FBXL17: variants seen among roughly 807,000 people sequenced by gnomAD.
FBXL17 encodes F-box and leucine rich repeat protein 17, also known as F-box/LRR-repeat protein 17.
FBXL17 carries 22 observed loss-of-function variants against 66.2 expected under a neutral mutation model. The ratio of observed to expected loss-of-function variants is 0.33; its 90% CI spans 0.24 to 0.47. The LOEUF (loss-of-function observed/expected upper bound fraction) is 0.47, where lower values mean the gene tolerates loss of function less well. Among genes scored for constraint, FBXL17 ranks in the 20% least tolerant of loss-of-function variants. FBXL17 has a pLI of 1.00. For synonymous variants in FBXL17, 474 were observed against 400.5 expected (o/e 1.18, Z -2.19); for missense variants, 878 against 948.2 (o/e 0.93, Z 0.97).
At chr5:108,132,061 C>T (rs1296288899) in intron 6 of FBXL17, among the ~76,000 whole-genome samples, 1 of 151,732 alleles carries the variant, frequency 6.6e-6, no homozygotes, top group East Asian at 1.9e-4. Context: ...ATCGCAACCT[C>T]CGCCTCCCAG....
intron 4 of FBXL17, among the ~76,000 whole-genome samples, chr5:108,262,445 G>A (rs746734903): frequency 6.6e-6 from 1 of 152,092 alleles, no homozygotes; most frequent in Non-Finnish European, 1.5e-5. Context: ...ATTGTCAAAA[G>A]AAATAGAGAC....
chr5:108,213,447 T>C (rs1285439250), intron 5 of FBXL17, among the ~76,000 whole-genome samples: 1 of 152,230 alleles, frequency 6.6e-6, no homozygotes, highest in East Asian at 1.9e-4. Context: ...GGGAATCTCC[T>C]GGTTTGCAGA....
chr5:108,357,532 T>G (rs575625438), intron 3 of FBXL17, among the ~76,000 whole-genome samples: 62 of 152,202 alleles, frequency 4.1e-4, no homozygotes, highest in African/African-American at 1.5e-3. Flanking sequence ...AGAATACACA[T>G]TCTTCTCTAA....
chr5:108,328,892 C>A (rs939170450), intron 4 of FBXL17, among the ~76,000 whole-genome samples: 2 of 151,960 alleles, frequency 1.3e-5, no homozygotes, highest in Non-Finnish European at 2.9e-5. Context: ...TTTACATATA[C>A]CTGACTTAAT....
At chr5:108,092,460 T>C (rs1315957412) in intron 6 of FBXL17, among the ~76,000 whole-genome samples, 8 of 152,012 alleles carry the variant, frequency 5.3e-5, no homozygotes, top group Admixed American at 4.6e-4. Flanking sequence ...ACATCACAGG[T>C]ACTTGCCACC....
At chr5:108,009,349 T>C (rs1205901361) in intron 7 of FBXL17, among the ~76,000 whole-genome samples, 1 of 138,696 alleles carries the variant, frequency 7.2e-6, no homozygotes, top group Non-Finnish European at 1.5e-5. Context: ...CATATATATA[T>C]ATGGTGAATA....
At chr5:108,368,247 G>C (rs116464547) in intron 1 of FBXL17, among the ~76,000 whole-genome samples, 1,670 of 151,060 alleles carry the variant, frequency 0.011, 45 homozygotes, top group African/African-American at 0.038. Context: ...AAAAAGAATT[G>C]AAAGCATTAA....
At chr5:108,157,328 A>G (rs2150002771) in intron 6 of FBXL17, among the ~76,000 whole-genome samples, 1 of 152,126 alleles carries the variant, frequency 6.6e-6, no homozygotes, top group South Asian at 2.1e-4. Context: ...ACACAGTAGT[A>G]TTAATACACA....
intron 6 of FBXL17, among the ~76,000 whole-genome samples, chr5:108,161,460 TG>T (rs1322862090): frequency 6.6e-6 from 1 of 151,358 alleles, no homozygotes; most frequent in Non-Finnish European, 1.5e-5. Flanking sequence ...CACTCCAGCC[TG>T]GGCGACAGCG....
chr5:107,947,597 T>G (rs998964206), intron 7 of FBXL17, among the ~76,000 whole-genome samples: 1 of 152,234 alleles, frequency 6.6e-6, no homozygotes, highest in African/African-American at 2.4e-5. Context: ...GTTCTGATAA[T>G]TTCTACCAAT....
rs1448746619 is a variant in FBXL17 at position 108,060,518 on chromosome 5, T to C, written c.1746-39517A>G. Among the ~76,000 whole-genome samples, 4 of 152,308 alleles carry C rather than the reference T, an allele frequency of 2.6e-5. No individual in the cohort carries two copies. The East Asian group carries it at 5.8e-4, about 22-fold the overall frequency. On this transcript the variant is annotated intron_variant, in intron 6 of 8. Transcript: ENST00000542267. The stretch of plus-strand genomic sequence containing the variant: ...TGCCAGTGAGTTCAGTAATCTCTTA[T>C]CAAGTAGTACTCTATGTAGCCACTA...
chr5:108,075,569 G>A (rs1465439542), intron 6 of FBXL17, among the ~76,000 whole-genome samples: 11 of 152,196 alleles, frequency 7.2e-5, no homozygotes, highest in Admixed American at 2.0e-4. Context: ...TCTGCCTCCC[G>A]GGTTCAGGCA....
At chr5:108,245,272 A>G (rs1756042881) in intron 4 of FBXL17, among the ~76,000 whole-genome samples, 1 of 152,174 alleles carries the variant, frequency 6.6e-6, no homozygotes, top group African/African-American at 2.4e-5. Context: ...CTAGACTTTA[A>G]TATTTTAACA....
chr5:108,176,140 G>A (rs138284491), intron 6 of FBXL17, among the ~76,000 whole-genome samples: 35 of 152,254 alleles, frequency 2.3e-4, no homozygotes, highest in African/African-American at 8.4e-4. Flanking sequence ...TTTCTTCATT[G>A]TTGGCAATTT....
chr5:108,009,261 T>TTATATATATATATA (rs375853217), intron 7 of FBXL17, among the ~76,000 whole-genome samples: 4 of 20,866 alleles, frequency 1.9e-4, no homozygotes, highest in Non-Finnish European at 3.4e-4. Flanking sequence ...GTTCCCTGTT[T>TTATATATATATATA]TATATATATA....
At chr5:108,086,808 G>A (rs767691756) in intron 6 of FBXL17, among the ~76,000 whole-genome samples, 11 of 152,022 alleles carry the variant, frequency 7.2e-5, no homozygotes, top group African/African-American at 1.9e-4. Flanking sequence ...TGATCCACCC[G>A]CCTCGGCCTC....
At chr5:108,254,702 T>C (rs1341752868) in intron 4 of FBXL17, among the ~76,000 whole-genome samples, 1 of 152,226 alleles carries the variant, frequency 6.6e-6, no homozygotes, top group Non-Finnish European at 1.5e-5. Context: ...ATTTAAGTCA[T>C]AATTTCACAC....
At chr5:108,259,168 A>G (rs550856448) in intron 4 of FBXL17, among the ~76,000 whole-genome samples, 1 of 152,314 alleles carries the variant, frequency 6.6e-6, no homozygotes, top group South Asian at 2.1e-4. Flanking sequence ...AAGCTATGAG[A>G]ATCAGGAATT....
At chr5:108,303,142 A>G (rs1027079006) in intron 4 of FBXL17, among the ~76,000 whole-genome samples, 5 of 151,894 alleles carry the variant, frequency 3.3e-5, no homozygotes, top group Admixed American at 1.3e-4. Flanking sequence ...GTATATATAT[A>G]AAAATGTTTC....
Sources: allele counts gnomAD v4.1 joint callset (sites outside exome capture counted in the v4.1 genomes callset), GRCh38; gene constraint gnomAD v4.1.1; transcripts MANE v1.5; gene names NCBI Gene and HGNC (gene_info 2026-07-23, HGNC 2026-07-21).